WDR64: variants seen among roughly 807,000 people sequenced by gnomAD.
WDR64 encodes the protein WD repeat-containing protein 64.
A neutral mutation model predicts 139.3 loss-of-function variants in WDR64; 112 were observed. That is an observed-to-expected ratio of 0.80 (90% CI 0.69 to 0.94). The LOEUF is 0.94. Among genes scored for constraint, WDR64 ranks in the 40% least tolerant of loss-of-function variants. The pLI is 0.00. For missense variants in WDR64, 1,206 were observed against 1,293.1 expected (o/e 0.93, Z 1.03); for synonymous variants, 444 against 437.7 (o/e 1.01, Z -0.18).
At chr1:241,712,918 GCC>G (rs1474155899) in intron 9 of WDR64, among the ~76,000 whole-genome samples, 1 of 151,794 alleles carries the variant, frequency 6.6e-6, no homozygotes, top group African/African-American at 2.4e-5. Flanking sequence ...AACAGCAAGA[GCC>G]TGTCTCAAAA....
intron 19 of WDR64, 57 bp downstream of exon 19, chr1:241,771,754 A>T: frequency 8.3e-7 from 1 of 1,205,314 alleles, no homozygotes; most frequent in Non-Finnish European, 1.1e-6. Flanking sequence ...GCAAGAGGGC[A>T]TTTAGGTGAC....
Position 241,674,713 on chromosome 1 carries a change from C to T in WDR64, c.449C>T (p.Thr150Ile). The stretch of plus-strand genomic sequence containing the variant: ...CACCTGGATTTACTAATAACAGCTA[C>T]TCAGAAAGGATTAATAACAGTTTTT... ...IPHLDLLITATQKGLITVFNN... is the reference protein window; with the variant it reads ...IPHLDLLITAIQKGLITVFNN... Residue 150 changes from threonine to isoleucine, a missense_variant, in exon 4 of 28, where the codon ACT becomes ATT. Thr to Ile is a moderately conservative substitution (Grantham distance 89). Transcript: ENST00000437684. 2 of 1,549,470 alleles carry T rather than the reference C, an allele frequency of 1.3e-6. No individual in the cohort carries two copies. Among genetic ancestry groups the T allele is most frequent in the Admixed American group, 2.0e-5 (1 of 50,862 alleles).
At chr1:241,749,784 A>G in intron 14 of WDR64, 62 bp downstream of exon 14, 1 of 1,564,732 alleles carries the variant, frequency 6.4e-7, no homozygotes, top group Admixed American at 1.7e-5. Context: ...CAAATGAGTC[A>G]GTGGATAATC....
intron 16 of WDR64, among the ~76,000 whole-genome samples, chr1:241,766,718 AAAC>A (rs1658194643): frequency 6.6e-6 from 1 of 152,010 alleles, no homozygotes. Context: ...AAAAAAAAAA[AAAC>A]CTCAGGGGAC....
chr1:241,726,952 T>C (rs1668867390), intron 10 of WDR64, among the ~76,000 whole-genome samples: 2 of 152,036 alleles, frequency 1.3e-5, no homozygotes, highest in African/African-American at 4.8e-5. Flanking sequence ...AATGGCACCA[T>C]CTCAGCTCAC....
At chr1:241,714,609 A>G (rs943012165) in intron 9 of WDR64, among the ~76,000 whole-genome samples, 1 of 152,080 alleles carries the variant, frequency 6.6e-6, no homozygotes, top group Non-Finnish European at 1.5e-5. Context: ...TTTCAAGTAC[A>G]CTGTGCATTC....
intron 8 of WDR64, among the ~76,000 whole-genome samples, chr1:241,711,440 G>A (rs1225067090): frequency 6.6e-6 from 1 of 152,032 alleles, no homozygotes; most frequent in African/African-American, 2.4e-5. Flanking sequence ...GTGTCCAAAA[G>A]GGTTCCTGGC....
intron 17 of WDR64, chr1:241,770,317 C>A: frequency 4.0e-6 from 1 of 247,768 alleles, no homozygotes; most frequent in Non-Finnish European, 7.6e-6. Flanking sequence ...CCACCCCTTG[C>A]CATTTCAGTG....
chr1:241,675,087 A>ATCCTTCCTCCCTCCCTCCT (rs1558466023), intron 4 of WDR64, among the ~76,000 whole-genome samples: 1 of 17,996 alleles, frequency 5.6e-5, no homozygotes, highest in African/African-American at 3.8e-4. Flanking sequence ...CCCTCCCTTC[A>ATCCTTCCTCCCTCCCTCCT]TCCTTCCTCC....
intron 2 of WDR64, among the ~76,000 whole-genome samples, chr1:241,668,416 A>G (rs755336442): frequency 2.0e-5 from 3 of 152,048 alleles, no homozygotes; most frequent in Non-Finnish European, 4.4e-5. Context: ...CAGACCACCA[A>G]TTCTAAACTG....
chr1:241,783,426 T>A lies in WDR64; in HGVS notation c.2705+45T>A, dbSNP rs1234705883. On this transcript the variant is annotated intron_variant, in intron 23 of 27. Coordinates refer to ENST00000437684, the MANE Select transcript of WDR64 (RefSeq NM_001367482.1). ...TACTGTGAATTCAGTACTGTGAGCATGAGAGGTAAAGGATTTTAAGCTAAA... is the reference window on the plus strand; with the variant it reads ...TACTGTGAATTCAGTACTGTGAGCAAGAGAGGTAAAGGATTTTAAGCTAAA... 2.8e-6 allele frequency: 4 copies of A among 1,436,694 alleles called. No homozygotes were observed. In the East Asian group the frequency reaches 9.2e-5, roughly 33 times the overall value. The allele number at this position is 1,436,694 out of a possible 1,614,324, so 89.0% of individuals were successfully genotyped here. A position where few individuals can be genotyped will look rare whatever the true frequency, so the allele number is the denominator to read the frequency against.
chr1:241,689,548 C>T (rs1485277070), intron 8 of WDR64, among the ~76,000 whole-genome samples: 1 of 152,038 alleles, frequency 6.6e-6, no homozygotes, highest in Non-Finnish European at 1.5e-5. Flanking sequence ...TCTGACAATC[C>T]TTAATGCAGA....
At position 241,757,345 on chromosome 1, in the gene WDR64, A is replaced by C. The variant is rs1264393908; in HGVS notation, c.1833A>C (p.Leu611=). 1 of 1,614,034 alleles carries C rather than the reference A, an allele frequency of 6.2e-7. No individual in the cohort carries two copies. The highest frequency in any genetic ancestry group is 8.5e-7 in the Non-Finnish European group (1 of 1,179,978). Reference sequence around the variant, plus strand: ...AGCTGCCTGATGTTGTGCCTTTCCTACAAGATGGGAAACATGCTGTGCATC... The same window carrying C: ...AGCTGCCTGATGTTGTGCCTTTCCTCCAAGATGGGAAACATGCTGTGCATC... ...IWELPDVVPF[L]QDGKHAVHLR... The change falls in exon 15 of 28, where the codon CTA becomes CTC. Residue 611 remains leucine, a synonymous_variant. Transcript: ENST00000437684.
chr1:241,762,708 A>T (rs1433926365), intron 15 of WDR64, among the ~76,000 whole-genome samples: 1 of 152,122 alleles, frequency 6.6e-6, no homozygotes, highest in Non-Finnish European at 1.5e-5. Flanking sequence ...TCTCCCTGAC[A>T]TTAGCAAAAC....
intron 26 of WDR64, 32 bp from the exon 27 acceptor site, chr1:241,796,225 G>A (rs756644151): frequency 4.0e-6 from 6 of 1,514,022 alleles, no homozygotes; most frequent in Non-Finnish European, 5.5e-6. Flanking sequence ...ATCACTTTGA[G>A]TGTGTCTCAC....
intron 13 of WDR64, among the ~76,000 whole-genome samples, chr1:241,748,515 T>C (rs1433379343): frequency 6.6e-6 from 1 of 152,096 alleles, no homozygotes; most frequent in African/African-American, 2.4e-5. Context: ...CCACAGCAGA[T>C]CTCAATTTGG....
rs199635140 is a variant in WDR64, at chr1:241,656,870, T to TTGTG, written c.146-3622_146-3619dup. 8.2e-3 allele frequency among the ~76,000 whole-genome samples: 709 copies of TTGTG among 86,700 alleles called. 4 individuals are homozygous for TTGTG. The highest frequency in any genetic ancestry group is 0.018 in the African/African-American group (398 of 22,486). The allele number at this position is 86,700 out of a possible 152,430, so 56.9% of individuals were successfully genotyped here. On this transcript the variant is annotated intron_variant, in intron 1 of 27. Transcript: ENST00000437684. This position sits in a 1 kb window ranked among gnomAD's most constrained non-coding sequence, Gnocchi z 4.3. ...AAATGTCTCAAGTCTTTGCCAAATGTTGTGTGTGTGTGTGTGTGTGTGTGT... is the reference window on the plus strand; with the variant it reads ...AAATGTCTCAAGTCTTTGCCAAATGTTGTGTGTGTGTGTGTGTGTGTGTGTGTGT...
At chr1:241,688,908 G>A (rs1045002648) in intron 8 of WDR64, among the ~76,000 whole-genome samples, 53 of 152,236 alleles carry the variant, frequency 3.5e-4, no homozygotes, top group South Asian at 1.2e-3. Context: ...TACTTCTGGC[G>A]GAGGGGAAGG....
rs1279044778 is a variant in WDR64, at chr1:241,687,521, T to C, written c.900T>C (p.Asn300=). 2.5e-6 allele frequency: 4 copies of C among 1,613,816 alleles called. No individual in the cohort carries two copies. The highest frequency in any genetic ancestry group is 3.4e-6 in the Non-Finnish European group (4 of 1,179,892). Residue 300 remains asparagine (N), a synonymous_variant, in exon 8 of 28, where the codon AAT becomes AAC. Coordinates refer to ENST00000437684, the MANE Select transcript of WDR64 (RefSeq NM_001367482.1). Reference sequence around the variant, plus strand: ...AAATTAGATATATTTCAGCCCTAAATTGTTTTGGATCCTGCTCCTTAGACA... The same window carrying C: ...AAATTAGATATATTTCAGCCCTAAACTGTTTTGGATCCTGCTCCTTAGACA... ...VMKIRYISAL[N]CFGSCSLDSN...
Sources: allele counts gnomAD v4.1 joint callset (sites outside exome capture counted in the v4.1 genomes callset), GRCh38; gene constraint gnomAD v4.1.1; non-coding constraint Gnocchi (gnomAD v3.1); transcripts MANE v1.5; gene names NCBI Gene and HGNC (gene_info 2026-07-23, HGNC 2026-07-21).